Variants in PRRX1 observed in about 807,000 individuals in gnomAD.
The protein encoded by PRRX1 is paired mesoderm homeobox protein 1.
PRRX1 carries 8 observed loss-of-function variants against 24.0 expected under a neutral mutation model. That is an observed-to-expected ratio of 0.33 (90% CI 0.20 to 0.60). The LOEUF (loss-of-function observed/expected upper bound fraction) is 0.60, where lower values mean the gene tolerates loss of function less well. PRRX1 is among the 20% of genes least tolerant of loss of function. PRRX1 has a pLI of 0.82. For missense variants in PRRX1, 281 were observed against 322.4 expected, an observed-to-expected ratio of 0.87 and a Z score of 0.98; for synonymous variants, 160 against 131.7, an observed-to-expected ratio of 1.22 and a Z score of -1.47.
At chr1:170,720,609 T>C (rs1655050954) in intron 2 of PRRX1, among the ~76,000 whole-genome samples, 1 of 152,216 alleles carries the variant, frequency 6.6e-6, no homozygotes, top group South Asian at 2.1e-4. Context: ...CTCTGTCCCC[T>C]ACCTCAGCTC....
chr1:170,720,722 T>A (rs1028366008), intron 2 of PRRX1, among the ~76,000 whole-genome samples: 1 of 152,120 alleles, frequency 6.6e-6, no homozygotes, highest in African/African-American at 2.4e-5. Flanking sequence ...CACACTTAAG[T>A]GGATGATTTT....
chr1:170,712,800 G>A (rs994356489), intron 1 of PRRX1, among the ~76,000 whole-genome samples: 1 of 152,174 alleles, frequency 6.6e-6, no homozygotes, highest in African/African-American at 2.4e-5. Context: ...AACAAAGGTT[G>A]TTCTTATTTC....
intron 1 of PRRX1, among the ~76,000 whole-genome samples, chr1:170,696,081 T>G (rs367722300): frequency 6.6e-6 from 1 of 152,138 alleles, no homozygotes; most frequent in Non-Finnish European, 1.5e-5. Context: ...ACAGAAGGGA[T>G]CAGCATGTGC....
upstream of PRRX1, chr1:170,662,796 G>A (rs1313977276): frequency 6.6e-6 from 1 of 151,932 alleles, no homozygotes; most frequent in African/African-American, 2.4e-5. Flanking sequence ...GATTGTGATG[G>A]TGGTGGATTT....
At chr1:170,666,755 A>G (rs545658318) in intron 1 of PRRX1, among the ~76,000 whole-genome samples, 76 of 152,184 alleles carry the variant, frequency 5.0e-4, no homozygotes, top group African/African-American at 1.7e-3. Flanking sequence ...GGGAAGAGGG[A>G]TGAAAATTGT....
chr1:170,696,915 C>T (rs989855312), intron 1 of PRRX1, among the ~76,000 whole-genome samples: 1 of 152,234 alleles, frequency 6.6e-6, no homozygotes, highest in East Asian at 1.9e-4. Context: ...GAGAATCTGC[C>T]TGGCACATTT....
rs1391356565 is a variant in PRRX1 at position 170,736,568 on chromosome 1, A to G, written c.*382A>G. On this transcript the variant is annotated 3_prime_UTR_variant, in exon 4 of 4. Coordinates refer to ENST00000239461, the MANE Select transcript of PRRX1 (RefSeq NM_022716.4). ...ACTATATATATATATATATATATAT[A>G]TATCCAGAATGATTGCCTCTACTGT... 1 of 213,266 alleles carries G rather than the reference A, an allele frequency of 4.7e-6. No homozygotes were observed. Among genetic ancestry groups the G allele is most frequent in the South Asian group, 8.6e-5 (1 of 11,662 alleles). 13.2% of individuals were successfully genotyped at this position (213,266 alleles called of 1,614,324 possible).
intron 1 of PRRX1, among the ~76,000 whole-genome samples, chr1:170,667,095 C>T (rs1318535586): frequency 6.6e-6 from 1 of 152,142 alleles, no homozygotes; most frequent in Non-Finnish European, 1.5e-5. Flanking sequence ...CCACGTGATA[C>T]TCGGGCTCAT....
At chr1:170,680,703 C>T (rs574313130) in intron 1 of PRRX1, among the ~76,000 whole-genome samples, 1 of 152,338 alleles carries the variant, frequency 6.6e-6, no homozygotes, top group South Asian at 2.1e-4. Flanking sequence ...CTTGCAGATG[C>T]TGGCATTGGT....
intron 3 of PRRX1, among the ~76,000 whole-genome samples, chr1:170,734,015 T>C (rs1230361175): frequency 1.3e-5 from 2 of 152,176 alleles, no homozygotes; most frequent in Non-Finnish European, 2.9e-5. Context: ...TCTGCTTCTA[T>C]CCCTTGGTAG....
At position 170,737,165 on chromosome 1, in the gene PRRX1, A is replaced by G. The variant is rs1372318499; in HGVS notation, c.*979A>G. The G allele has an allele frequency of 1.2e-5, 2 of 161,468 alleles. No homozygotes were observed. Among genetic ancestry groups the G allele is most frequent in the Non-Finnish European group, 2.7e-5 (2 of 74,792 alleles). The allele number at this position is 161,468 out of a possible 1,614,324, so 10.0% of individuals were successfully genotyped here. A position where few individuals can be genotyped will look rare whatever the true frequency, so the allele number is the denominator to read the frequency against. On this transcript the variant is annotated 3_prime_UTR_variant, in exon 4 of 4. Transcript: ENST00000239461. ...TATATATTTATATATTTATATATATATTTCATATATATATATAATATTGCA... is the reference window on the plus strand; with the variant it reads ...TATATATTTATATATTTATATATATGTTTCATATATATATATAATATTGCA...
chr1:170,690,698 T>C (rs1319354788), intron 1 of PRRX1, among the ~76,000 whole-genome samples: 1 of 150,716 alleles, frequency 6.6e-6, no homozygotes, highest in African/African-American at 2.4e-5. Context: ...ACTTTAAGTA[T>C]TCAAATGTTT....
intron 1 of PRRX1, among the ~76,000 whole-genome samples, chr1:170,704,237 T>C (rs1344839941): frequency 6.6e-6 from 1 of 152,248 alleles, no homozygotes; most frequent in African/African-American, 2.4e-5. Flanking sequence ...AGGTGTTTTA[T>C]GATCTTTGAA....
intron 1 of PRRX1, among the ~76,000 whole-genome samples, chr1:170,665,709 C>T (rs1431294114): frequency 1.3e-5 from 2 of 152,336 alleles, no homozygotes; most frequent in South Asian, 4.1e-4. Flanking sequence ...GTGGTGGCCC[C>T]GCGGGCCACG....
At chr1:170,685,812 A>C (rs1463017319) in intron 1 of PRRX1, among the ~76,000 whole-genome samples, 1 of 152,150 alleles carries the variant, frequency 6.6e-6, no homozygotes, top group South Asian at 2.1e-4. Context: ...TGGATTTTTC[A>C]TATCTAGCAA....
chr1:170,714,279 C>T (rs569506925), intron 1 of PRRX1, among the ~76,000 whole-genome samples: 5 of 152,248 alleles, frequency 3.3e-5, no homozygotes, highest in South Asian at 4.2e-4. Context: ...CCAAAGGTTA[C>T]GGGGCCTGAA....
At position 170,737,249 on chromosome 1, in the gene PRRX1, GTTC is replaced by G; in HGVS notation, c.*1066_*1068del. ...AAGCAAATTACACACCCTCACCACTGTTCTTATCTCTATAGTGATGAAACATTA... is the reference window on the plus strand; with the variant it reads ...AAGCAAATTACACACCCTCACCACTGTTATCTCTATAGTGATGAAACATTA... On this transcript the variant is annotated 3_prime_UTR_variant, in exon 4 of 4. Coordinates refer to ENST00000239461, the MANE Select transcript of PRRX1 (RefSeq NM_022716.4). The G allele has an allele frequency of 5.5e-6, 1 of 180,220 alleles. No homozygotes were observed. The highest frequency in any genetic ancestry group is 9.1e-5 in the East Asian group (1 of 10,942). 11.2% of individuals were successfully genotyped at this position (180,220 alleles called of 1,614,324 possible).
At chr1:170,670,243 G>T (rs935536999) in intron 1 of PRRX1, among the ~76,000 whole-genome samples, 2 of 151,944 alleles carry the variant, frequency 1.3e-5, no homozygotes, top group Non-Finnish European at 2.9e-5. Flanking sequence ...CTTTAACTCC[G>T]TTTACAGCAA....
intron 1 of PRRX1, among the ~76,000 whole-genome samples, chr1:170,716,502 T>C (rs895284870): frequency 6.6e-6 from 1 of 150,734 alleles, no homozygotes; most frequent in African/African-American, 2.4e-5. Flanking sequence ...GAGAATGGTG[T>C]GAACCCAGGA....
Sources: gnomAD v4.1 joint callset for allele counts (sites outside exome capture counted in the v4.1 genomes callset) on GRCh38, gnomAD v4.1.1 for gene constraint, MANE v1.5 for transcripts, NCBI Gene and HGNC (gene_info 2026-07-23, HGNC 2026-07-21) for gene names.